Variants in CDKL5 observed in about 807,000 individuals in gnomAD.
The protein encoded by CDKL5 is cyclin-dependent kinase-like 5.
Under a neutral mutation model 61.7 loss-of-function variants are expected in CDKL5, and 8 were observed. The ratio of observed to expected loss-of-function variants is 0.13; its 90% CI spans 0.08 to 0.23. CDKL5 has a LOEUF of 0.23. CDKL5 is among the 10% of genes least tolerant of loss of function. CDKL5 has a pLI of 1.00. For synonymous variants in CDKL5, 275 were observed against 272.3 expected, an observed-to-expected ratio of 1.01 and a Z score of -0.10; for missense variants, 440 against 734.5, an observed-to-expected ratio of 0.60 and a Z score of 4.63.
intron 14 of CDKL5, among the ~76,000 whole-genome samples, chrX:18,610,295 T>G (rs887988223): frequency 8.9e-6 from 1 of 112,666 alleles, no homozygotes. Context: ...TGGCCTGTAA[T>G]GTACTCTTCC....
chrX:18,561,981 A>G (rs1461834290), intron 3 of CDKL5, among the ~76,000 whole-genome samples: 4 of 111,859 alleles, frequency 3.6e-5, no homozygotes, highest in African/African-American at 1.3e-4. Flanking sequence ...TTTATATTCA[A>G]CAACAACAAA....
chrX:18,525,049 A>C (rs1923380959), intron 3 of CDKL5, among the ~76,000 whole-genome samples: 1 of 111,109 alleles, frequency 9.0e-6, no homozygotes, highest in Non-Finnish European at 1.9e-5. Flanking sequence ...CAGTCTCCTA[A>C]GTGGTTGGGA....
intron 4 of CDKL5, among the ~76,000 whole-genome samples, chrX:18,568,895 A>T (rs1333511951): frequency 1.8e-5 from 2 of 110,658 alleles, no homozygotes; most frequent in Non-Finnish European, 1.9e-5. Context: ...AGGTCTCGCT[A>T]TGTTGCTCAG....
rs200547617 is a variant in CDKL5 at position 18,531,700 on chromosome X, C to CT, written c.99+20852dup. On this transcript the variant is annotated intron_variant, in intron 3 of 17. Transcript: ENST00000623535. Reference sequence around the variant, plus strand: ...ATTTGTTAGGGTTTTTTCTTTTTTTCTTTTTTCTTTTTTTTTTGAGATGGA... The same window carrying CT: ...ATTTGTTAGGGTTTTTTCTTTTTTTCTTTTTTTCTTTTTTTTTTGAGATGGA... Among the ~76,000 whole-genome samples, 162 of 107,848 alleles carry CT rather than the reference C, an allele frequency of 1.5e-3. 3 individuals are homozygous for CT. The highest frequency in any genetic ancestry group is 5.2e-3 in the African/African-American group (147 of 28,204). The allele number at this position is 107,848 out of a possible 115,157, so 93.7% of individuals were successfully genotyped here. A position where few individuals can be genotyped will look rare whatever the true frequency, so the allele number is the denominator to read the frequency against.
chrX:18,547,813 A>G (rs1924252540), intron 3 of CDKL5, among the ~76,000 whole-genome samples: 1 of 112,276 alleles, frequency 8.9e-6, no homozygotes, highest in Non-Finnish European at 1.9e-5. Flanking sequence ...AAGACAAACT[A>G]GACACATGTT....
At chrX:18,549,790 G>C (rs1205431777) in intron 3 of CDKL5, among the ~76,000 whole-genome samples, 7 of 111,386 alleles carry the variant, frequency 6.3e-5, no homozygotes, top group Non-Finnish European at 1.9e-5. Flanking sequence ...GTAGGTTGAA[G>C]GTAAGCCAAA....
intron 9 of CDKL5, 89 bp downstream of exon 9, chrX:18,588,232 T>C: frequency 1.4e-6 from 1 of 701,597 alleles, no homozygotes; most frequent in Non-Finnish European, 2.3e-6. Context: ...AAACTATCCT[T>C]TGAATACTAT....
chrX:18,458,172 C>T (rs1243217635), intron 1 of CDKL5, among the ~76,000 whole-genome samples: 1 of 110,054 alleles, frequency 9.1e-6, no homozygotes, highest in Non-Finnish European at 1.9e-5. Context: ...ATCCACCTGC[C>T]TCAGCCTCCC....
chrX:18,628,963 C>G lies in CDKL5; in HGVS notation c.*206C>G. The G allele has an allele frequency of 9.8e-7, 1 of 1,025,270 alleles. No individual in the cohort carries two copies. 84.5% of individuals were successfully genotyped at this position (1,025,270 alleles called of 1,213,427 possible). A position where few individuals can be genotyped will look rare whatever the true frequency, so the allele number is the denominator to read the frequency against. On this transcript the variant is annotated 3_prime_UTR_variant, in exon 18 of 18. Transcript: ENST00000623535. ...CAGGGATCTTAGAGCCACAGGAGTT[C>G]CTTAGGGATCGCCACTCCCCACAGG...
chrX:18,557,637 A>C (rs1200474978), intron 3 of CDKL5, among the ~76,000 whole-genome samples: 2 of 112,579 alleles, frequency 1.8e-5, no homozygotes, highest in Non-Finnish European at 3.8e-5. Flanking sequence ...TATACAGTAT[A>C]TGATCAGTTT....
At chrX:18,466,230 A>T (rs1272599653) in intron 1 of CDKL5, among the ~76,000 whole-genome samples, 1 of 111,807 alleles carries the variant, frequency 8.9e-6, no homozygotes, top group Admixed American at 9.6e-5. Flanking sequence ...GAAAGATAAA[A>T]ACTACACCCC....
intron 17 of CDKL5, chrX:18,627,240 A>G (rs2089972988): frequency 8.9e-6 from 1 of 111,820 alleles, no homozygotes; most frequent in South Asian, 3.8e-4. Context: ...TTCTGAAGCC[A>G]TTTACCTTGG....
At chrX:18,596,685 C>G (rs1293907445) in intron 10 of CDKL5, among the ~76,000 whole-genome samples, 1 of 111,965 alleles carries the variant, frequency 8.9e-6, no homozygotes, top group Non-Finnish European at 1.9e-5. Flanking sequence ...AATTTGGTAA[C>G]TTCTAAAATG....
intron 14 of CDKL5, among the ~76,000 whole-genome samples, chrX:18,611,087 G>A (rs191060890): frequency 8.9e-4 from 99 of 111,502 alleles, no homozygotes; most frequent in African/African-American, 3.2e-3. Context: ...AAAGCATAAG[G>A]TATTGATTGA....
chrX:18,436,023 G>A (rs770238889), intron 1 of CDKL5, among the ~76,000 whole-genome samples: 1 of 111,717 alleles, frequency 9.0e-6, no homozygotes, highest in East Asian at 2.8e-4. Context: ...ATGGCCTACT[G>A]TTGACTGGAA....
chrX:18,600,861 T>C (rs1926155017), intron 11 of CDKL5, among the ~76,000 whole-genome samples: 1 of 112,304 alleles, frequency 8.9e-6, no homozygotes, highest in Non-Finnish European at 1.9e-5. Context: ...TGACACTGTA[T>C]TGAATATATT....
In CDKL5 at chrX:18,619,055, A is replaced by G. The variant is rs144782087; in HGVS notation, c.2277-812A>G. 6.7e-3 allele frequency among the ~76,000 whole-genome samples: 746 copies of G among 111,057 alleles called. 10 individuals are homozygous for G. The highest frequency in any genetic ancestry group is 0.022 in the African/African-American group (683 of 30,566). On this transcript the variant is annotated intron_variant, in intron 15 of 17. Coordinates refer to ENST00000623535, the MANE Select transcript of CDKL5 (RefSeq NM_001323289.2). ...CTGAAGTTTTCTGGCTTTCAAAATT[A>G]TAAATGTATCATTCTGAGTTCAGAA...
At chrX:18,426,582 T>C (rs1931372537) in intron 1 of CDKL5, 1 of 112,473 alleles carries the variant, frequency 8.9e-6, no homozygotes, top group Non-Finnish European at 1.9e-5. Context: ...ATTAGACGGG[T>C]GCTGTGATAT....
chrX:18,601,442 T>G (rs941515121), intron 11 of CDKL5, among the ~76,000 whole-genome samples: 1 of 113,030 alleles, frequency 8.8e-6, no homozygotes, highest in African/African-American at 3.2e-5. Context: ...GTAAAATTTT[T>G]TTAACTAGTT....
Sources: allele counts gnomAD v4.1 joint callset (sites outside exome capture counted in the v4.1 genomes callset), GRCh38; gene constraint gnomAD v4.1.1; transcripts MANE v1.5; gene names NCBI Gene and HGNC (gene_info 2026-07-23, HGNC 2026-07-21).